The following DLGAP2 variants were observed in gnomAD, a reference collection of about 807,000 sequenced individuals.
DLGAP2 encodes the protein DLG associated protein 2, also known as disks large-associated protein 2.
Under a neutral mutation model 100.3 loss-of-function variants are expected in DLGAP2, and 26 were observed. The observed-to-expected ratio is 0.26, with a 90% confidence interval of 0.19 to 0.36. The LOEUF (loss-of-function observed/expected upper bound fraction) is 0.36, where lower values mean the gene tolerates loss of function less well. Among genes scored for constraint, DLGAP2 ranks in the 10% least tolerant of loss-of-function variants. The probability of loss-of-function intolerance (pLI) is 1.00; values close to 1 mark genes in which losing one functional copy is unlikely to be tolerated. For synonymous variants in DLGAP2, 886 were observed against 630.1 expected (o/e 1.41, Z -6.08); for missense variants, 1,858 against 1,453.2 (o/e 1.28, Z -4.53).
chr8:1,603,074 G>A (rs1796678415), intron 6 of DLGAP2, among the ~76,000 whole-genome samples: 1 of 152,018 alleles, frequency 6.6e-6, no homozygotes, highest in Non-Finnish European at 1.5e-5. Context: ...TAGGGTGGAA[G>A]CTGGGTCTCA....
At chr8:1,267,585 A>AAATAAAATAAAATAAAATAAAAT (rs1563051927) in intron 3 of DLGAP2, among the ~76,000 whole-genome samples, 4 of 47,354 alleles carry the variant, frequency 8.4e-5, no homozygotes, top group African/African-American at 2.7e-4. Context: ...AAATAAAATA[A>AAATAAAATAAAATAAAATAAAAT]AATAAGATAA....
rs1160625195 is a variant in DLGAP2 at position 967,816 on chromosome 8, C to CTTTATATATATA, written c.73+59851_73+59852insTTATATATATAT. On this transcript the variant is annotated intron_variant, in intron 2 of 14. Transcript: ENST00000637795. ...ATATACACCTCTTTGTTGAACACCA[C>CTTTATATATATA]TATATATATATATATATATATATAT... 7.8e-4 allele frequency among the ~76,000 whole-genome samples: 2 copies of CTTTATATATATA among 2,580 alleles called. 1 individual carries two copies. Among genetic ancestry groups the CTTTATATATATA allele is most frequent in the Non-Finnish European group, 4.2e-3 (2 of 478 alleles). 1.7% of individuals were successfully genotyped at this position (2,580 alleles called of 152,430 possible). A position where few individuals can be genotyped will look rare whatever the true frequency, so the allele number is the denominator to read the frequency against.
In DLGAP2 at chr8:1,648,212, C is replaced by T. The variant is rs148382996; in HGVS notation, c.1810+15166C>T. Among the ~76,000 whole-genome samples, 631 of 152,250 alleles carry T rather than the reference C, an allele frequency of 4.1e-3. 2 individuals carry two copies. The highest frequency in any genetic ancestry group is 0.015 in the African/African-American group (606 of 41,550). On this transcript the variant is annotated intron_variant, in intron 8 of 14. Transcript: ENST00000637795. Reference sequence around the variant, plus strand: ...TTTGTCCTAACTTAGAGGACTCTGACGTTTAAGTTATAAACTCCACTGTGC... The same window carrying T: ...TTTGTCCTAACTTAGAGGACTCTGATGTTTAAGTTATAAACTCCACTGTGC...
At chr8:1,186,316 G>T (rs1016441100) in intron 2 of DLGAP2, among the ~76,000 whole-genome samples, 1 of 152,236 alleles carries the variant, frequency 6.6e-6, no homozygotes, top group African/African-American at 2.4e-5. Flanking sequence ...CATTAAGGCA[G>T]TTCATAAAAT....
intron 1 of DLGAP2, among the ~76,000 whole-genome samples, chr8:743,931 T>C (rs1563407193): frequency 6.6e-6 from 1 of 152,250 alleles, no homozygotes. Context: ...ACTAAGCTAC[T>C]GTGGTTTAGG....
chr8:1,318,494 A>G (rs1285385525), intron 3 of DLGAP2, among the ~76,000 whole-genome samples: 1 of 150,286 alleles, frequency 6.7e-6, no homozygotes, highest in Non-Finnish European at 1.5e-5. Flanking sequence ...CACGCCTTGG[A>G]TTCTAGAAAA....
At chr8:909,385 C>T (rs538945339) in intron 2 of DLGAP2, among the ~76,000 whole-genome samples, 12 of 151,704 alleles carry the variant, frequency 7.9e-5, no homozygotes, top group East Asian at 3.9e-4. Context: ...TCAGGAATAA[C>T]GATAAAATAA....
chr8:1,579,512 TAATA>T (rs369804485), intron 6 of DLGAP2, among the ~76,000 whole-genome samples: 3,506 of 152,154 alleles, frequency 0.023, 116 homozygotes, highest in African/African-American at 0.072. Context: ...AGTAAAATCA[TAATA>T]AAAACCTGAG....
intron 2 of DLGAP2, among the ~76,000 whole-genome samples, chr8:1,201,087 C>T: frequency 6.6e-6 from 1 of 152,070 alleles, no homozygotes; most frequent in East Asian, 1.9e-4. Flanking sequence ...GAGACCAGCA[C>T]TGGGGAGGCT....
chr8:1,174,336 C>G (rs1373825970), intron 2 of DLGAP2, among the ~76,000 whole-genome samples: 4 of 151,526 alleles, frequency 2.6e-5, no homozygotes, highest in Non-Finnish European at 5.9e-5. Flanking sequence ...ATCATCATTA[C>G]CATTACCACC....
rs575834798 is a variant in DLGAP2 at position 801,322 on chromosome 8, G to T, written c.18+63497G>T. Among the ~76,000 whole-genome samples, 6 of 152,270 alleles carry T rather than the reference G, an allele frequency of 3.9e-5. No homozygotes were observed. The South Asian group carries it at 1.2e-3, about 32-fold the overall frequency. ...GAGATCATCTGAGGAGTGCAGCAGT[G>T]GACCTTAGGGCCTTGGATTCAGGTG... On this transcript the variant is annotated intron_variant, in intron 1 of 14. Transcript: ENST00000637795.
rs550285545 is a variant in DLGAP2, at chr8:749,379, G to A, written c.18+11554G>A. On this transcript the variant is annotated intron_variant, in intron 1 of 14. Coordinates refer to ENST00000637795, the MANE Select transcript of DLGAP2 (RefSeq NM_001346810.2). ...AAGTCAGCAATAATTCCGTGACCTA[G>A]AAATTATTATAGTTTATTGGTGTGT... is the stretch of plus-strand genomic sequence containing the variant. 2.5e-3 allele frequency among the ~76,000 whole-genome samples: 379 copies of A among 152,266 alleles called. 2 individuals are homozygous for A. The highest frequency in any genetic ancestry group is 8.5e-3 in the African/African-American group (355 of 41,550).
chr8:1,498,224 G>C (rs1799606571), intron 3 of DLGAP2, among the ~76,000 whole-genome samples: 1 of 152,182 alleles, frequency 6.6e-6, no homozygotes, highest in South Asian at 2.1e-4. Flanking sequence ...CCGTGCAGAG[G>C]AAGCCTCCAG....
chr8:1,219,142 G>A (rs1563260762), intron 2 of DLGAP2, among the ~76,000 whole-genome samples: 2 of 152,098 alleles, frequency 1.3e-5, no homozygotes, highest in Non-Finnish European at 2.9e-5. Context: ...CTCTGGCAAG[G>A]ACTTCCAGTA....
At chr8:1,460,860 G>A (rs1295149216) in intron 3 of DLGAP2, among the ~76,000 whole-genome samples, 6 of 152,138 alleles carry the variant, frequency 3.9e-5, no homozygotes, top group South Asian at 4.1e-4. Context: ...GTGGCCAGTG[G>A]GTTTTATTCA....
chr8:973,608 G>C (rs564022379), intron 2 of DLGAP2, among the ~76,000 whole-genome samples: 1 of 152,340 alleles, frequency 6.6e-6, no homozygotes, highest in South Asian at 2.1e-4. Context: ...GCCAAGGCAG[G>C]CGGCTGGGAG....
chr8:1,031,993 G>C (rs932898578), intron 2 of DLGAP2, among the ~76,000 whole-genome samples: 2 of 152,154 alleles, frequency 1.3e-5, no homozygotes, highest in Admixed American at 1.3e-4. Context: ...GGTGTTTCCC[G>C]GGCCCTTGTG....
In DLGAP2 at chr8:1,628,971, G is replaced by A. The variant is rs192527707; in HGVS notation, c.1590+2084G>A. On this transcript the variant is annotated intron_variant, in intron 7 of 14. Coordinates refer to ENST00000637795, the MANE Select transcript of DLGAP2 (RefSeq NM_001346810.2). ...AGGCAAAGAGTCCAGCATATACTGAGCACTCAAAAATGATAGCCCTTATTA... is the reference window on the plus strand; with the variant it reads ...AGGCAAAGAGTCCAGCATATACTGAACACTCAAAAATGATAGCCCTTATTA... 1.2e-3 allele frequency among the ~76,000 whole-genome samples: 179 copies of A among 152,348 alleles called. 2 individuals carry two copies. Among genetic ancestry groups the A allele is most frequent in the African/African-American group, 4.0e-3 (165 of 41,582 alleles).
At chr8:1,514,850 A>C (rs1477306169) in intron 4 of DLGAP2, among the ~76,000 whole-genome samples, 1 of 152,198 alleles carries the variant, frequency 6.6e-6, no homozygotes, top group South Asian at 2.1e-4. Flanking sequence ...GATGCCACCC[A>C]GAGTCTGACA....
Sources: gnomAD v4.1 joint callset for allele counts (sites outside exome capture counted in the v4.1 genomes callset) on GRCh38, gnomAD v4.1.1 for gene constraint, MANE v1.5 for transcripts, NCBI Gene and HGNC (gene_info 2026-07-23, HGNC 2026-07-21) for gene names.